The following FBLN2 variants were observed in gnomAD, a reference collection of about 807,000 sequenced individuals.
FBLN2 encodes the protein fibulin-2.
Under a neutral mutation model 123.7 loss-of-function variants are expected in FBLN2, and 81 were observed. The observed-to-expected ratio is 0.65, with a 90% CI of 0.55 to 0.79. The LOEUF is 0.79. Among genes scored for constraint, FBLN2 ranks in the 30% least tolerant of loss-of-function variants. The probability of loss-of-function intolerance (pLI) is 0.00; values close to 1 mark genes in which losing one functional copy is unlikely to be tolerated. For synonymous variants in FBLN2, 699 were observed against 701.4 expected, an observed-to-expected ratio of 1.00 and a Z score of 0.05; for missense variants, 1,603 against 1,681.3, an observed-to-expected ratio of 0.95 and a Z score of 0.81.
Position 13,637,850 on chromosome 3 carries a change from C to G in FBLN2, c.3627C>G (p.Leu1209=), listed in dbSNP as rs1243811767. The G allele has an allele frequency of 6.2e-7, 1 of 1,612,578 alleles. No homozygotes were observed. The highest frequency in any genetic ancestry group is 8.5e-7 in the Non-Finnish European group (1 of 1,178,960). The change falls in exon 18 of 18, where the codon CTC becomes CTG. Residue 1209 remains leucine (L), a synonymous_variant. Transcript: ENST00000404922. The stretch of plus-strand genomic sequence containing the variant: ...TTGCCCTGGACGTGGAGATGAAGCT[C>G]TGGAGGCAGGGCTCCGTCACCACCT... ...RDFALDVEMK[L]WRQGSVTTFL...
chr3:13,632,207 G>A (rs1340072361), intron 16 of FBLN2, among the ~76,000 whole-genome samples: 1 of 152,236 alleles, frequency 6.6e-6, no homozygotes, highest in Non-Finnish European at 1.5e-5. Flanking sequence ...ACACAGAAGG[G>A]GTCATTGCCC....
chr3:13,559,069 T>G (rs1486155544), intron 1 of FBLN2, among the ~76,000 whole-genome samples: 2 of 152,092 alleles, frequency 1.3e-5, no homozygotes, highest in African/African-American at 4.8e-5. Context: ...TGAAGGGCTT[T>G]GAATGTCTCC....
At chr3:13,563,572 G>T (rs997541408) in intron 1 of FBLN2, among the ~76,000 whole-genome samples, 3 of 152,190 alleles carry the variant, frequency 2.0e-5, no homozygotes, top group East Asian at 1.9e-4. Flanking sequence ...TCTCCTGAGC[G>T]CTCTCCCCCG....
In FBLN2 at chr3:13,618,117, G is replaced by A. The variant is rs780744670; in HGVS notation, c.1771G>A (p.Gly591Ser). 3.3e-5 allele frequency: 53 copies of A among 1,613,368 alleles called. No individual in the cohort carries two copies. The highest frequency in any genetic ancestry group is 4.2e-5 in the Non-Finnish European group (49 of 1,179,906). Residue 591 changes from glycine (G) to serine (S), a missense_variant, in exon 6 of 18, where the codon GGC (glycine) becomes AGC (serine). Transcript: ENST00000404922. ...GGCGGGCCGAGAGGCCCTGTCACTGGGCACAGAGGCCGAGCTGCCGAACAG... is the reference window on the plus strand; with the variant it reads ...GGCGGGCCGAGAGGCCCTGTCACTGAGCACAGAGGCCGAGCTGCCGAACAG... ...EMAGREALSLGTEAELPNSLP... is the reference protein window; with the variant it reads ...EMAGREALSLSTEAELPNSLP...
chr3:13,598,647 T>C (rs1704926457), intron 2 of FBLN2, among the ~76,000 whole-genome samples: 1 of 152,176 alleles, frequency 6.6e-6, no homozygotes, highest in African/African-American at 2.4e-5. Flanking sequence ...CATGAGATGA[T>C]ATACACCAAG....
chr3:13,576,721 C>A (rs1267375054), intron 2 of FBLN2, among the ~76,000 whole-genome samples: 1 of 52,846 alleles, frequency 1.9e-5, no homozygotes, highest in Non-Finnish European at 3.4e-5. Context: ...TCAGGGGGAT[C>A]CCCCCCCCCC....
intron 2 of FBLN2, among the ~76,000 whole-genome samples, chr3:13,602,039 C>T (rs1170272331): frequency 6.6e-6 from 1 of 152,230 alleles, no homozygotes; most frequent in Non-Finnish European, 1.5e-5. Context: ...AGTGATCCTC[C>T]TGCTTCAGCC....
chr3:13,569,988 G>A lies in FBLN2; in HGVS notation c.-41-327G>A, dbSNP rs377479900. 1.8e-3 allele frequency among the ~76,000 whole-genome samples: 275 copies of A among 152,236 alleles called. 1 individual carries two copies. The highest frequency in any genetic ancestry group is 0.018 in the South Asian group (86 of 4,830). On this transcript the variant is annotated intron_variant, in intron 1 of 17. Transcript: ENST00000404922. Reference sequence around the variant, plus strand: ...GGTGTGGGGCTGTGCATGTGTGTGTGTGGGCACGAGGGCTCACTCAGAGGA... The same window carrying A: ...GGTGTGGGGCTGTGCATGTGTGTGTATGGGCACGAGGGCTCACTCAGAGGA...
intron 5 of FBLN2, among the ~76,000 whole-genome samples, chr3:13,616,369 C>G (rs1705603382): frequency 6.6e-6 from 1 of 152,176 alleles, no homozygotes; most frequent in South Asian, 2.1e-4. Flanking sequence ...TCCATGCTTC[C>G]TCCTGTGAGG....
At chr3:13,597,836 T>C (rs1047207447) in intron 2 of FBLN2, among the ~76,000 whole-genome samples, 1 of 152,224 alleles carries the variant, frequency 6.6e-6, no homozygotes, top group Non-Finnish European at 1.5e-5. Context: ...GCCCTGATGC[T>C]GTGAAGTCAA....
chr3:13,620,179 C>T (rs1419121815), intron 8 of FBLN2, among the ~76,000 whole-genome samples: 4 of 152,034 alleles, frequency 2.6e-5, no homozygotes, highest in Admixed American at 6.5e-5. Flanking sequence ...GAGATTCTGC[C>T]GAATCCCCAA....
chr3:13,626,485 G>A lies in FBLN2; in HGVS notation c.2337G>A (p.Arg779=), dbSNP rs1056074075. Reference sequence around the variant, plus strand: ...TGACGGACCTGCACACGTGCAGCCGGGGCGAGCACTGTGTGAACACACTGG... The same window carrying A: ...TGACGGACCTGCACACGTGCAGCCGAGGCGAGCACTGTGTGAACACACTGG... ...ECVTDLHTCS[R]GEHCVNTLGS... is the part of the protein sequence containing the mutation. The change falls in exon 10 of 18, where the codon CGG becomes CGA. Residue 779 remains arginine, a synonymous_variant. Transcript: ENST00000404922. 6.3e-7 allele frequency: 1 copy of A among 1,578,690 alleles called. No individual in the cohort carries two copies. Among genetic ancestry groups the A allele is most frequent in the Admixed American group, 1.8e-5 (1 of 55,296 alleles).
intron 1 of FBLN2, among the ~76,000 whole-genome samples, chr3:13,560,407 G>A (rs772454945): frequency 2.0e-5 from 3 of 152,106 alleles, no homozygotes; most frequent in Admixed American, 6.5e-5. Context: ...CCCCACCTGC[G>A]GCCTACAGCT....
In FBLN2 at chr3:13,588,411, G is replaced by C. The variant is rs371007028; in HGVS notation, c.1306+16750G>C. Among the ~76,000 whole-genome samples the C allele has an allele frequency of 1.1e-4, 16 of 152,360 alleles. No individual in the cohort carries two copies. In the East Asian group the frequency reaches 2.9e-3, roughly 28 times the overall value. On this transcript the variant is annotated intron_variant, in intron 2 of 17. Coordinates refer to ENST00000404922, the MANE Select transcript of FBLN2 (RefSeq NM_001004019.2). ...GTTAAGTGACGCATGATTGTGTGGGGTGAAGGGAAATGGAAAGCTGCCAGG... is the reference window on the plus strand; with the variant it reads ...GTTAAGTGACGCATGATTGTGTGGGCTGAAGGGAAATGGAAAGCTGCCAGG...
chr3:13,561,502 G>A (rs972539386), intron 1 of FBLN2, among the ~76,000 whole-genome samples: 7 of 151,796 alleles, frequency 4.6e-5, no homozygotes, highest in Non-Finnish European at 1.0e-4. Flanking sequence ...CCTGCATGCC[G>A]GCTGCAGTGT....
At chr3:13,568,321 T>C (rs1307590670) in intron 1 of FBLN2, among the ~76,000 whole-genome samples, 1 of 152,200 alleles carries the variant, frequency 6.6e-6, no homozygotes, top group Non-Finnish European at 1.5e-5. Context: ...CTGCATCCTA[T>C]CCATCAGCAA....
At chr3:13,552,898 C>T (rs1216318621) in intron 1 of FBLN2, among the ~76,000 whole-genome samples, 1 of 152,128 alleles carries the variant, frequency 6.6e-6, no homozygotes, top group Non-Finnish European at 1.5e-5. Flanking sequence ...TACAGAGGAG[C>T]GGAACACAGG....
intron 1 of FBLN2, among the ~76,000 whole-genome samples, chr3:13,561,743 T>G (rs2125036354): frequency 6.6e-6 from 1 of 152,346 alleles, no homozygotes; most frequent in South Asian, 2.1e-4. Flanking sequence ...GGGTAGGACT[T>G]TCTTTCATCT....
chr3:13,563,262 G>A (rs898915941), intron 1 of FBLN2, among the ~76,000 whole-genome samples: 2 of 152,150 alleles, frequency 1.3e-5, no homozygotes, highest in African/African-American at 4.8e-5. Context: ...GCCACTGTGG[G>A]TGCCCACCCA....
Sources: allele counts gnomAD v4.1 joint callset (sites outside exome capture counted in the v4.1 genomes callset), GRCh38; gene constraint gnomAD v4.1.1; transcripts MANE v1.5; gene names NCBI Gene and HGNC (gene_info 2026-07-23, HGNC 2026-07-21).